The following MSRA variants were observed in gnomAD, a reference collection of about 807,000 sequenced individuals.
MSRA encodes mitochondrial peptide methionine sulfoxide reductase.
A neutral mutation model predicts 31.3 loss-of-function variants in MSRA; 54 were observed. That is an observed-to-expected ratio of 1.73 (90% confidence interval 1.39 to 2.17). MSRA has a LOEUF of 2.17. Among genes scored for constraint, MSRA ranks in the 30% most tolerant of loss-of-function variants. The pLI, the probability that MSRA is intolerant of heterozygous loss-of-function variation, is 0.00. For missense variants in MSRA, 507 were observed against 300.9 expected (o/e 1.69, Z -5.07); for synonymous variants, 169 against 116.5 (o/e 1.45, Z -2.90).
At chr8:10,346,727 C>G (rs537565345) in intron 5 of MSRA, among the ~76,000 whole-genome samples, 4 of 152,300 alleles carry the variant, frequency 2.6e-5, no homozygotes, top group South Asian at 2.1e-4. Flanking sequence ...ACCTATTTAG[C>G]TTTCTTGGGT....
chr8:10,250,042 T>C (rs757048175), intron 3 of MSRA, among the ~76,000 whole-genome samples: 1 of 152,206 alleles, frequency 6.6e-6, no homozygotes, highest in Non-Finnish European at 1.5e-5. Flanking sequence ...ATTTTCTCTA[T>C]AGTCAAATGA....
At chr8:10,373,613 C>T (rs566778063) in intron 5 of MSRA, among the ~76,000 whole-genome samples, 1 of 152,324 alleles carries the variant, frequency 6.6e-6, no homozygotes, top group East Asian at 1.9e-4. Flanking sequence ...AGGAACTGGG[C>T]CTGGAAGGGG....
At chr8:10,261,177 T>G (rs1198654648) in intron 3 of MSRA, among the ~76,000 whole-genome samples, 1 of 152,182 alleles carries the variant, frequency 6.6e-6, no homozygotes, top group Non-Finnish European at 1.5e-5. Flanking sequence ...ACCTTTTTAT[T>G]TATGGTAAAA....
intron 2 of MSRA, among the ~76,000 whole-genome samples, chr8:10,211,004 G>A (rs1488226635): frequency 2.0e-5 from 3 of 151,912 alleles, no homozygotes; most frequent in African/African-American, 7.3e-5. Flanking sequence ...CCCAAATGCC[G>A]GGATTACAGG....
At chr8:10,160,447 A>G (rs907297261) in intron 1 of MSRA, among the ~76,000 whole-genome samples, 2 of 151,938 alleles carry the variant, frequency 1.3e-5, no homozygotes, top group South Asian at 2.1e-4. Flanking sequence ...GTGAGCCAAG[A>G]TGGTGCCACC....
At chr8:10,311,174 A>G (rs1030397278) in intron 4 of MSRA, among the ~76,000 whole-genome samples, 1 of 152,204 alleles carries the variant, frequency 6.6e-6, no homozygotes, top group African/African-American at 2.4e-5. Flanking sequence ...TGGCAGGCTG[A>G]GTTATTCAGA....
chr8:10,328,053 A>ATTT (rs1563356066), intron 5 of MSRA, among the ~76,000 whole-genome samples: 1 of 63,830 alleles, frequency 1.6e-5, no homozygotes. Context: ...TTTTTTTTTT[A>ATTT]GTATCAGTGA....
chr8:10,232,639 G>C (rs2952250), intron 2 of MSRA, among the ~76,000 whole-genome samples: 1 of 151,964 alleles, frequency 6.6e-6, no homozygotes, highest in African/African-American at 2.4e-5. Context: ...CTTTCTTTAA[G>C]GTTCTTCCTG....
chr8:10,354,083 G>C (rs1456911115), intron 5 of MSRA: 1 of 152,982 alleles, frequency 6.5e-6, no homozygotes, highest in African/African-American at 2.4e-5. Flanking sequence ...TTCAGTGTTT[G>C]CTAATATGGT....
At chr8:10,195,281 C>A (rs1160211285) in intron 1 of MSRA, among the ~76,000 whole-genome samples, 1 of 152,168 alleles carries the variant, frequency 6.6e-6, no homozygotes, top group East Asian at 1.9e-4. Context: ...CACTCTGTCG[C>A]CCAGGCTTCA....
chr8:10,208,122 C>T (rs185079631), intron 2 of MSRA, among the ~76,000 whole-genome samples: 12 of 152,108 alleles, frequency 7.9e-5, no homozygotes, highest in Admixed American at 2.6e-4. Flanking sequence ...TTGACAACCA[C>T]GTATCAAACT....
chr8:10,114,476 C>G (rs936306925), intron 1 of MSRA, among the ~76,000 whole-genome samples: 18 of 148,572 alleles, frequency 1.2e-4, no homozygotes, highest in Non-Finnish European at 2.5e-4. Context: ...ATTCCAGTTT[C>G]TCTACATCCT....
chr8:10,146,286 A>G (rs1026048485), intron 1 of MSRA, among the ~76,000 whole-genome samples: 1 of 152,152 alleles, frequency 6.6e-6, no homozygotes, highest in African/African-American at 2.4e-5. Context: ...GGTTTAATGG[A>G]GGAGGTTGTA....
intron 5 of MSRA, among the ~76,000 whole-genome samples, chr8:10,395,104 C>G (rs1471140184): frequency 6.6e-6 from 1 of 152,164 alleles, no homozygotes; most frequent in Non-Finnish European, 1.5e-5. Context: ...GAAAGATGAG[C>G]TCAGGATGGT....
At chr8:10,205,901 G>T (rs549869863) in intron 1 of MSRA, among the ~76,000 whole-genome samples, 1 of 152,278 alleles carries the variant, frequency 6.6e-6, no homozygotes. Context: ...TTTAAAACAT[G>T]TTGGGTAATA....
chr8:10,233,868 A>T (rs570150141), intron 2 of MSRA, among the ~76,000 whole-genome samples: 22 of 152,332 alleles, frequency 1.4e-4, no homozygotes, highest in African/African-American at 5.3e-4. Context: ...AAAATGAATG[A>T]CATCTAGATT....
chr8:10,249,250 T>G (rs1797790915), intron 3 of MSRA, among the ~76,000 whole-genome samples: 1 of 152,238 alleles, frequency 6.6e-6, no homozygotes. Flanking sequence ...CAGACAGTTC[T>G]AATTCTTATT....
chr8:10,308,614 G>C (rs1801268924), intron 4 of MSRA, among the ~76,000 whole-genome samples: 3 of 152,206 alleles, frequency 2.0e-5, no homozygotes, highest in African/African-American at 7.2e-5. Context: ...GTGTGGCCTG[G>C]GATTACCTGA....
intron 5 of MSRA, among the ~76,000 whole-genome samples, chr8:10,393,473 C>G (rs945151159): frequency 2.0e-5 from 3 of 152,194 alleles, no homozygotes; most frequent in Non-Finnish European, 2.9e-5. Flanking sequence ...CACAAACATT[C>G]TATGGCTGAC....
Sources: gnomAD v4.1 joint callset for allele counts (sites outside exome capture counted in the v4.1 genomes callset) on GRCh38, gnomAD v4.1.1 for gene constraint, MANE v1.5 for transcripts, NCBI Gene and HGNC (gene_info 2026-07-23, HGNC 2026-07-21) for gene names.